Variants in GPM6A observed in about 807,000 individuals in gnomAD.
GPM6A encodes neuronal membrane glycoprotein M6-a.
Under a neutral mutation model 32.1 loss-of-function variants are expected in GPM6A, and 7 were observed. The ratio of observed to expected loss-of-function variants is 0.22; its 90% CI spans 0.12 to 0.41. The LOEUF is 0.41. Ranked by LOEUF, GPM6A falls within the 10% of genes least tolerant of loss-of-function variation. GPM6A has a pLI of 1.00. For synonymous variants in GPM6A, 130 were observed against 123.4 expected, an observed-to-expected ratio of 1.05 and a Z score of -0.35; for missense variants, 235 against 347.2, an observed-to-expected ratio of 0.68 and a Z score of 2.57.
chr4:175,675,713 G>A (rs1560868087), intron 2 of GPM6A, among the ~76,000 whole-genome samples: 2 of 151,846 alleles, frequency 1.3e-5, no homozygotes, highest in Non-Finnish European at 2.9e-5. Context: ...GCAGTGACAC[G>A]AGCATGGCTC....
At chr4:175,993,075 A>G (rs1224044642) in intron 1 of GPM6A, among the ~76,000 whole-genome samples, 2 of 151,974 alleles carry the variant, frequency 1.3e-5, no homozygotes, top group Non-Finnish European at 2.9e-5. Context: ...CCTACCCAAC[A>G]AAAATCTTTG....
intron 1 of GPM6A, among the ~76,000 whole-genome samples, chr4:175,899,777 A>AG (rs1737897435): frequency 1.3e-5 from 2 of 152,238 alleles, no homozygotes; most frequent in South Asian, 2.1e-4. Context: ...ACCACAAAAA[A>AG]AAATGGGGAA....
Position 175,943,590 on chromosome 4 carries a change from GAGATGTTGAATTT to G in GPM6A, c.-23+58706_-23+58718del, listed in dbSNP as rs574374104. On this transcript the variant is annotated intron_variant, in intron 1 of 7. Transcript: ENST00000280187. ...GTTTATTCAAAGATTTTAGCATGAA[GAGATGTTGAATTT>G]TATCGAAGGCCTTTTCTGCATCCAT... Among the ~76,000 whole-genome samples, 26 of 152,292 alleles carry G rather than the reference GAGATGTTGAATTT, an allele frequency of 1.7e-4. No individual in the cohort carries two copies. The South Asian group carries it at 5.2e-3, about 30-fold the overall frequency.
intron 1 of GPM6A, among the ~76,000 whole-genome samples, chr4:175,983,120 T>C (rs1485586345): frequency 6.6e-6 from 1 of 152,036 alleles, no homozygotes; most frequent in African/African-American, 2.4e-5. Context: ...GCCTCAAAGA[T>C]GGGGAGGGGA....
intron 1 of GPM6A, among the ~76,000 whole-genome samples, chr4:175,737,365 C>T (rs955631727): frequency 6.6e-6 from 1 of 152,006 alleles, no homozygotes; most frequent in African/African-American, 2.4e-5. Context: ...ATCCTGTACG[C>T]CTGTAATCCT....
intron 2 of GPM6A, among the ~76,000 whole-genome samples, chr4:175,691,488 T>C (rs1744295626): frequency 6.6e-6 from 1 of 152,210 alleles, no homozygotes; most frequent in African/African-American, 2.4e-5. Context: ...CAGTTTTTAA[T>C]TTATTTTAAT....
intron 1 of GPM6A, among the ~76,000 whole-genome samples, chr4:175,997,338 G>T (rs1312420592): frequency 6.6e-6 from 1 of 152,162 alleles, no homozygotes; most frequent in Non-Finnish European, 1.5e-5. Context: ...ATCAGACTTT[G>T]TGATTTTCTA....
At chr4:175,710,350 A>C (rs1745460291) in intron 1 of GPM6A, among the ~76,000 whole-genome samples, 1 of 152,028 alleles carries the variant, frequency 6.6e-6, no homozygotes, top group Non-Finnish European at 1.5e-5. Context: ...TCTAATTCTG[A>C]TTTGAGTGAA....
chr4:175,930,425 T>TTGG (rs757598480), intron 1 of GPM6A, among the ~76,000 whole-genome samples: 3 of 124,890 alleles, frequency 2.4e-5, no homozygotes, highest in African/African-American at 7.9e-5. Flanking sequence ...ATCTGTTTTT[T>TTGG]GGGGGGGGGT....
At chr4:175,780,800 T>A (rs1328991480) in intron 1 of GPM6A, among the ~76,000 whole-genome samples, 1 of 152,146 alleles carries the variant, frequency 6.6e-6, no homozygotes, top group Non-Finnish European at 1.5e-5. Flanking sequence ...GTGTTCTCTA[T>A]CTCCAAAATA....
intron 1 of GPM6A, among the ~76,000 whole-genome samples, chr4:175,780,206 C>T: frequency 6.6e-6 from 1 of 151,996 alleles, no homozygotes; most frequent in Non-Finnish European, 1.5e-5. Context: ...TGCCCCCACG[C>T]CCAGCTGATT....
Position 175,709,619 on chromosome 4 carries a change from T to A in GPM6A, c.38-7852A>T, listed in dbSNP as rs1745418656. ...GGCGCTCACTTGTAATCCCAGCTAC[T>A]CAGGAGGCTGAGGCAGGAGAATCGC... is the stretch of plus-strand genomic sequence containing the variant. On this transcript the variant is annotated intron_variant, in intron 1 of 6. Coordinates refer to ENST00000393658, the MANE Select transcript of GPM6A (RefSeq NM_201591.3). Among the ~76,000 whole-genome samples the A allele has an allele frequency of 2.0e-5, 3 of 150,396 alleles. No homozygotes were observed. In the Admixed American group the frequency reaches 2.0e-4, roughly 10 times the overall value.
At chr4:175,854,318 G>A (rs1468358328) in intron 1 of GPM6A, among the ~76,000 whole-genome samples, 1 of 152,182 alleles carries the variant, frequency 6.6e-6, no homozygotes, top group African/African-American at 2.4e-5. Context: ...GAGGAATAAA[G>A]TCAGAGTCTG....
At chr4:175,970,779 A>C in intron 1 of GPM6A, 1 of 430,562 alleles carries the variant, frequency 2.3e-6, no homozygotes, top group South Asian at 1.7e-5. Flanking sequence ...ACTAAAAGAA[A>C]AGCAAGATTT....
chr4:175,767,756 T>A (rs1579478072), intron 1 of GPM6A, among the ~76,000 whole-genome samples: 1 of 152,240 alleles, frequency 6.6e-6, no homozygotes, highest in South Asian at 2.1e-4. Flanking sequence ...TCCTTAAATA[T>A]GTTCAGCAGA....
chr4:175,804,307 A>G (rs1265462436), intron 1 of GPM6A, among the ~76,000 whole-genome samples: 1 of 152,214 alleles, frequency 6.6e-6, no homozygotes, highest in African/African-American at 2.4e-5. Context: ...GGAAAAATAA[A>G]TTTTTAACTA....
chr4:175,816,553 C>T (rs970318341), upstream of GPM6A, among the ~76,000 whole-genome samples: 1 of 152,076 alleles, frequency 6.6e-6, no homozygotes, highest in Admixed American at 6.5e-5. Context: ...TTCCAAATAT[C>T]GCATTAACTA....
chr4:175,960,017 A>G (rs1740116205), intron 1 of GPM6A, among the ~76,000 whole-genome samples: 1 of 152,180 alleles, frequency 6.6e-6, no homozygotes. Context: ...AAGAAAATTG[A>G]GGCACAAAGA....
chr4:175,830,259 C>T (rs1019193669), intron 1 of GPM6A, among the ~76,000 whole-genome samples: 1 of 152,102 alleles, frequency 6.6e-6, no homozygotes, highest in African/African-American at 2.4e-5. Flanking sequence ...TTTTATTGAG[C>T]ATCACTCAGT....
Sources: allele counts gnomAD v4.1 joint callset (sites outside exome capture counted in the v4.1 genomes callset), GRCh38; gene constraint gnomAD v4.1.1; transcripts MANE v1.5; gene names NCBI Gene and HGNC (gene_info 2026-07-23, HGNC 2026-07-21).